The following CNTN4 variants were observed in gnomAD, a reference collection of about 807,000 sequenced individuals.
The protein encoded by CNTN4 is contactin-4.
Under a neutral mutation model 122.5 loss-of-function variants are expected in CNTN4, and 77 were observed. That is an observed-to-expected ratio of 0.63 (90% confidence interval 0.52 to 0.76). The LOEUF (loss-of-function observed/expected upper bound fraction) is 0.76. Ranked by LOEUF, CNTN4 falls within the 30% of genes least tolerant of loss-of-function variation. The pLI, the probability that CNTN4 is intolerant of heterozygous loss-of-function variation, is 0.00. For synonymous variants in CNTN4, 512 were observed against 447.0 expected (o/e 1.15, Z -1.83); for missense variants, 1,256 against 1,259.1 (o/e 1.00, Z 0.04).
intron 11 of CNTN4, among the ~76,000 whole-genome samples, chr3:2,901,287 A>G (rs1039672956): frequency 6.6e-6 from 1 of 152,130 alleles, no homozygotes; most frequent in African/African-American, 2.4e-5. Context: ...TTCCTTATGT[A>G]TTTTCCTGCC....
At chr3:2,693,293 T>A (rs1251404809) in intron 4 of CNTN4, among the ~76,000 whole-genome samples, 2 of 152,202 alleles carry the variant, frequency 1.3e-5, no homozygotes, top group Non-Finnish European at 2.9e-5. Context: ...TCCCCAGATA[T>A]ATCAAGATAT....
intron 4 of CNTN4, among the ~76,000 whole-genome samples, chr3:2,659,457 T>A (rs1172316185): frequency 5.6e-5 from 5 of 89,996 alleles, no homozygotes; most frequent in Non-Finnish European, 9.9e-5. Context: ...GGAGACTCCA[T>A]CTCAAAAAAA....
At chr3:2,662,440 G>A (rs568941488) in intron 4 of CNTN4, among the ~76,000 whole-genome samples, 32 of 152,222 alleles carry the variant, frequency 2.1e-4, no homozygotes, top group Non-Finnish European at 4.1e-4. Flanking sequence ...TGCTAAACAG[G>A]AAAAGAGAAA....
Position 3,019,698 on chromosome 3 carries a change from C to CTG in CNTN4, c.1487-6392_1487-6391dup, listed in dbSNP as rs563918361. On this transcript the variant is annotated intron_variant, in intron 14 of 24. Coordinates refer to ENST00000418658, the MANE Select transcript of CNTN4 (RefSeq NM_175607.3). ...TGTGTATATATGTATATGTGTGTGT[C>CTG]TGTGTGTGTGTGTAGGTGTATTTGT... Among the ~76,000 whole-genome samples the CTG allele has an allele frequency of 1.0e-3, 148 of 145,104 alleles. 1 individual carries two copies. Among genetic ancestry groups the CTG allele is most frequent in the African/African-American group, 7.4e-4 (29 of 39,260 alleles).
At chr3:2,244,653 G>A (rs1470987978) in intron 2 of CNTN4, among the ~76,000 whole-genome samples, 5 of 152,036 alleles carry the variant, frequency 3.3e-5, no homozygotes, top group Admixed American at 2.6e-4. Flanking sequence ...AACTGCATAT[G>A]TGTCTTGCAT....
At chr3:2,613,007 A>T (rs4370013) in intron 4 of CNTN4, among the ~76,000 whole-genome samples, 32,610 of 152,048 alleles carry the variant, frequency 0.21, 3,870 homozygotes, top group Admixed American at 0.3. Context: ...ACGTTTAAGA[A>T]CACAATGTTG....
chr3:2,689,694 A>T (rs957009110), intron 4 of CNTN4, among the ~76,000 whole-genome samples: 4 of 152,126 alleles, frequency 2.6e-5, no homozygotes, highest in African/African-American at 9.7e-5. Context: ...CCACTCTAGA[A>T]TTAGCAGTAG....
chr3:2,570,377 A>G (rs1177312529), intron 3 of CNTN4, among the ~76,000 whole-genome samples: 1 of 151,634 alleles, frequency 6.6e-6, no homozygotes, highest in Non-Finnish European at 1.5e-5. Flanking sequence ...GGGTCTCGCT[A>G]TGTTGCCCAG....
intron 4 of CNTN4, among the ~76,000 whole-genome samples, chr3:2,700,653 CAAA>C (rs5846211): frequency 6.7e-6 from 1 of 148,222 alleles, no homozygotes. Flanking sequence ...ATTCCCCTGG[CAAA>C]AAAAAAAAGA....
At chr3:2,467,926 A>G (rs1195105815) in intron 3 of CNTN4, among the ~76,000 whole-genome samples, 3 of 152,102 alleles carry the variant, frequency 2.0e-5, no homozygotes, top group East Asian at 1.9e-4. Context: ...TGAAGTGGGT[A>G]TCTTTATCTA....
chr3:2,744,512 G>A lies in CNTN4; in HGVS notation c.183-1010G>A, dbSNP rs531880742. On this transcript the variant is annotated intron_variant, in intron 5 of 24. Coordinates refer to ENST00000418658, the MANE Select transcript of CNTN4 (RefSeq NM_175607.3). The stretch of plus-strand genomic sequence containing the variant: ...GTATCTCTTAATTTTTAACATTCTG[G>A]TGTGAATGCTGCTGTGATACTCTTG... Among the ~76,000 whole-genome samples the A allele has an allele frequency of 3.9e-5, 6 of 152,268 alleles. No individual in the cohort carries two copies. In the East Asian group the frequency reaches 1.2e-3, roughly 29 times the overall value.
chr3:2,367,651 T>A (rs1408507922), intron 3 of CNTN4, among the ~76,000 whole-genome samples: 1 of 152,140 alleles, frequency 6.6e-6, no homozygotes, highest in East Asian at 1.9e-4. Context: ...ACCCGGCTAA[T>A]TTTTGTAATT....
At chr3:2,469,654 T>C (rs1206670459) in intron 3 of CNTN4, among the ~76,000 whole-genome samples, 1 of 152,196 alleles carries the variant, frequency 6.6e-6, no homozygotes, top group Non-Finnish European at 1.5e-5. Flanking sequence ...ATGGCCATTT[T>C]GCAACCAGTT....
chr3:2,741,529 A>T (rs1022217902), intron 5 of CNTN4, among the ~76,000 whole-genome samples: 1 of 152,228 alleles, frequency 6.6e-6, no homozygotes, highest in African/African-American at 2.4e-5. Flanking sequence ...CTAGGACAGC[A>T]GGTGTAAACC....
At chr3:2,338,815 A>G (rs2044065234) in intron 2 of CNTN4, among the ~76,000 whole-genome samples, 1 of 152,080 alleles carries the variant, frequency 6.6e-6, no homozygotes, top group Non-Finnish European at 1.5e-5. Context: ...CTCAATTTTT[A>G]TTATTTTAAA....
chr3:2,957,486 G>A (rs972069127), intron 13 of CNTN4, among the ~76,000 whole-genome samples: 1 of 152,002 alleles, frequency 6.6e-6, no homozygotes, highest in Admixed American at 6.6e-5. Context: ...GTTCAGGTTT[G>A]TAACATGGGT....
intron 3 of CNTN4, among the ~76,000 whole-genome samples, chr3:2,424,014 T>C (rs1353327680): frequency 1.4e-5 from 2 of 145,894 alleles, no homozygotes; most frequent in African/African-American, 5.1e-5. Flanking sequence ...CACACCAACA[T>C]GGCTGTCAAA....
chr3:2,976,545 G>C (rs994584647), intron 13 of CNTN4, among the ~76,000 whole-genome samples: 8 of 152,230 alleles, frequency 5.3e-5, no homozygotes, highest in Admixed American at 3.3e-4. Flanking sequence ...GTCAATGACA[G>C]GTTTGCCTGA....
intron 3 of CNTN4, among the ~76,000 whole-genome samples, chr3:2,516,181 A>G (rs1052452829): frequency 6.6e-6 from 1 of 152,024 alleles, no homozygotes; most frequent in African/African-American, 2.4e-5. Flanking sequence ...TGATGCATAT[A>G]TATATATATT....
Sources: gnomAD v4.1 joint callset for allele counts (sites outside exome capture counted in the v4.1 genomes callset) on GRCh38, gnomAD v4.1.1 for gene constraint, MANE v1.5 for transcripts, NCBI Gene and HGNC (gene_info 2026-07-23, HGNC 2026-07-21) for gene names.